Variants in FANCD2 observed in about 807,000 individuals in gnomAD.
FANCD2 encodes the protein Fanconi anemia group D2 protein.
FANCD2 carries 131 observed loss-of-function variants against 192.3 expected under a neutral mutation model. The ratio of observed to expected loss-of-function variants is 0.68; its 90% CI spans 0.59 to 0.79. The LOEUF is 0.79. Ranked by LOEUF, FANCD2 falls within the 30% of genes least tolerant of loss-of-function variation. The pLI, the probability that FANCD2 is intolerant of heterozygous loss-of-function variation, is 0.00. For synonymous variants in FANCD2, 524 were observed against 612.5 expected, an observed-to-expected ratio of 0.86 and a Z score of 2.13; for missense variants, 1,508 against 1,701.6, an observed-to-expected ratio of 0.89 and a Z score of 2.00.
At position 10,064,845 on chromosome 3, in the gene FANCD2, G is replaced by A. The variant is rs768572935; in HGVS notation, c.2138G>A (p.Gly713Asp). ...TCTCAGGACTTTGCAAAAGATGGGG[G>A]TCCGGTGACCTCACAGGAATCAGGC... ...LFSQDFAKDG[G>D]PVTSQESGQK... The change falls in exon 23 of 44, where the codon GGT (glycine) becomes GAT (aspartate). Residue 713 changes from glycine to aspartate, a missense_variant. By Grantham distance (94) the Gly-to-Asp change is moderately conservative. This residue lies in a region of FANCD2 where 796 missense variants were observed against 879.4 expected (regional missense o/e 0.91). Transcript: ENST00000675286. The A allele has an allele frequency of 6.2e-7, 1 of 1,613,742 alleles. No homozygotes were observed. The highest frequency in any genetic ancestry group is 1.3e-5 in the African/African-American group (1 of 75,018).
chr3:10,094,722 C>G, intron 40 of FANCD2: 1 of 322,200 alleles, frequency 3.1e-6, no homozygotes, highest in Non-Finnish European at 5.9e-6. Flanking sequence ...AAAAAAAGCT[C>G]ATTTGTGTCA....
intron 9 of FANCD2, 182 bp downstream of exon 9, chr3:10,040,027 TA>T: frequency 1.8e-6 from 1 of 562,922 alleles, no homozygotes; most frequent in Non-Finnish European, 3.0e-6. Context: ...TAGATCCACA[TA>T]CTTTCTTTTT....
At chr3:10,073,849 G>T (rs965620747) in intron 28 of FANCD2, among the ~76,000 whole-genome samples, 1 of 152,206 alleles carries the variant, frequency 6.6e-6, no homozygotes, top group African/African-American at 2.4e-5. Flanking sequence ...AAGATCCAGG[G>T]AGGGCAAGTG....
At chr3:10,079,447 A>G (rs542924561) in intron 30 of FANCD2, among the ~76,000 whole-genome samples, 85 of 152,022 alleles carry the variant, frequency 5.6e-4, no homozygotes, top group Middle Eastern at 3.4e-3. Flanking sequence ...TGGGGACTAC[A>G]GGCGCGCGCC....
rs532765216 is a variant in FANCD2, at chr3:10,036,086, CTTTTTTTTT to C, written c.439-190_439-182del. The stretch of plus-strand genomic sequence containing the variant: ...TAGTTGGAAAGAGAATTATACATTT[CTTTTTTTTT>C]TTTTTTTTTTGAGTCAGAGTCTCCT... On this transcript the variant is annotated intron_variant, in intron 6 of 43. Transcript: ENST00000675286. 1.7e-4 allele frequency among the ~76,000 whole-genome samples: 17 copies of C among 102,586 alleles called. 1 individual carries two copies. The highest frequency in any genetic ancestry group is 5.4e-4 in the African/African-American group (13 of 23,990). The allele number at this position is 102,586 out of a possible 152,430, so 67.3% of individuals were successfully genotyped here. A position where few individuals can be genotyped will look rare whatever the true frequency, so the allele number is the denominator to read the frequency against.
chr3:10,036,187 C>A, intron 6 of FANCD2, 100 bp from the exon 7 acceptor site: 1 of 917,040 alleles, frequency 1.1e-6, no homozygotes, highest in South Asian at 1.3e-5. Context: ...TCCCCAGGTC[C>A]AAGAGGTTCT....
intron 39 of FANCD2, 146 bp from the exon 40 acceptor site, chr3:10,094,143 A>G (rs1049724046): frequency 4.7e-5 from 32 of 680,982 alleles, no homozygotes; most frequent in Admixed American, 9.3e-5. Flanking sequence ...ACATTCTCCA[A>G]ATAAACCTTT....
At chr3:10,062,956 C>G (rs1458522183) in intron 20 of FANCD2, among the ~76,000 whole-genome samples, 1 of 152,170 alleles carries the variant, frequency 6.6e-6, no homozygotes, top group Non-Finnish European at 1.5e-5. Flanking sequence ...CCCCATCAGC[C>G]TCCCAAAGCA....
At chr3:10,071,226 T>A (rs907724796) in intron 26 of FANCD2, among the ~76,000 whole-genome samples, 1 of 152,054 alleles carries the variant, frequency 6.6e-6, no homozygotes, top group Non-Finnish European at 1.5e-5. Flanking sequence ...AAGAGAACCT[T>A]TGTACACTGT....
At chr3:10,031,130 A>T (rs9881859) in intron 2 of FANCD2, among the ~76,000 whole-genome samples, 34,886 of 152,066 alleles carry the variant, frequency 0.23, 5,240 homozygotes, top group African/African-American at 0.43. Flanking sequence ...ACAAACTGAA[A>T]CTTTCATTCT....
intron 34 of FANCD2, 34 bp downstream of exon 34, chr3:10,087,298 T>TTTTTAA: frequency 6.4e-7 from 1 of 1,567,624 alleles, no homozygotes; most frequent in Non-Finnish European, 8.6e-7. Flanking sequence ...TTTTTTTTTT[T>TTTTTAA]TTAATGAATA....
chr3:10,067,829 T>C (rs2087763829), intron 26 of FANCD2, among the ~76,000 whole-genome samples: 1 of 152,184 alleles, frequency 6.6e-6, no homozygotes, highest in Non-Finnish European at 1.5e-5. Context: ...TTATTCATCA[T>C]GGCCAAATGG....
intron 21 of FANCD2, 131 bp downstream of exon 21, chr3:10,064,042 T>C (rs2087644471): frequency 7.7e-7 from 1 of 1,299,012 alleles, no homozygotes; most frequent in Non-Finnish European, 1.1e-6. Flanking sequence ...GGGAAAGGCT[T>C]TTCTGCCCTA....
intron 30 of FANCD2, among the ~76,000 whole-genome samples, chr3:10,078,549 T>C (rs1329677066): frequency 6.8e-6 from 1 of 147,226 alleles, no homozygotes; most frequent in Non-Finnish European, 1.5e-5. Context: ...AGAGACGGGG[T>C]TTCACCGTGT....
intron 32 of FANCD2, among the ~76,000 whole-genome samples, 186 bp from the exon 33 acceptor site, chr3:10,085,626 G>A (rs563726660): frequency 3.3e-5 from 5 of 152,060 alleles, no homozygotes; most frequent in Admixed American, 3.3e-4. Flanking sequence ...TGTTGACCTC[G>A]TTATTCGCCC....
At chr3:10,085,723 A>G in intron 32 of FANCD2, 89 bp from the exon 33 acceptor site, 1 of 862,840 alleles carries the variant, frequency 1.2e-6, no homozygotes, top group Admixed American at 1.7e-5. Flanking sequence ...TAAACTATTG[A>G]TGGTACAGAC....
At chr3:10,031,516 A>G (rs1347546183) in intron 2 of FANCD2, among the ~76,000 whole-genome samples, 1 of 151,754 alleles carries the variant, frequency 6.6e-6, no homozygotes, top group Non-Finnish European at 1.5e-5. Flanking sequence ...AAAAAAAAAA[A>G]AGAAAGAGGG....
At chr3:10,072,353 A>C (rs2125047245) in intron 26 of FANCD2, among the ~76,000 whole-genome samples, 1 of 143,404 alleles carries the variant, frequency 7.0e-6, no homozygotes, top group South Asian at 2.2e-4. Context: ...ATCTCTGCTT[A>C]CTACAACCTC....
intron 9 of FANCD2, chr3:10,041,001 C>T (rs1279445347): frequency 6.0e-6 from 1 of 165,770 alleles, no homozygotes; most frequent in African/African-American, 2.4e-5. Context: ...TGAGACCAGC[C>T]TGGACAACAT....
Sources: allele counts gnomAD v4.1 joint callset (sites outside exome capture counted in the v4.1 genomes callset), GRCh38; gene constraint gnomAD v4.1.1; regional missense constraint gnomAD v4.1.1; transcripts MANE v1.5; gene names NCBI Gene and HGNC (gene_info 2026-07-23, HGNC 2026-07-21).